UTP6: variants seen among roughly 807,000 people sequenced by gnomAD.
UTP6 encodes the protein U3 small nucleolar RNA-associated protein 6 homolog.
Under a neutral mutation model 96.5 loss-of-function variants are expected in UTP6, and 60 were observed. The observed-to-expected ratio is 0.62, with a 90% CI of 0.51 to 0.77. The LOEUF (loss-of-function observed/expected upper bound fraction) is 0.77, where lower values mean the gene tolerates loss of function less well. UTP6 is among the 30% of genes least tolerant of loss of function. The pLI, the probability that UTP6 is intolerant of heterozygous loss-of-function variation, is 0.00. For synonymous variants in UTP6, 215 were observed against 240.1 expected (o/e 0.90, Z 0.96); for missense variants, 637 against 706.5 (o/e 0.90, Z 1.12).
At position 31,873,365 on chromosome 17, in the gene UTP6, C is replaced by T. The variant is rs372247137; in HGVS notation, c.1496+13G>A. 12 of 1,613,174 alleles carry T rather than the reference C, an allele frequency of 7.4e-6. No individual in the cohort carries two copies. The highest frequency in any genetic ancestry group is 2.2e-5 in the South Asian group (2 of 91,032). ...TAGAGGGACTAGTAACAACTATGAA[C>T]GTCTGTGAGTACCTTTTAAACACAG... On this transcript the variant is annotated intron_variant, in intron 16 of 18. Transcript: ENST00000261708.
At chr17:31,883,526 G>C (rs1375125929) in intron 10 of UTP6, among the ~76,000 whole-genome samples, 1 of 151,932 alleles carries the variant, frequency 6.6e-6, no homozygotes, top group Non-Finnish European at 1.5e-5. Context: ...TGTTGGTCAG[G>C]CTGGTCTCAA....
At chr17:31,893,503 A>T (rs1904452101) in intron 4 of UTP6, among the ~76,000 whole-genome samples, 1 of 150,362 alleles carries the variant, frequency 6.7e-6, no homozygotes, top group South Asian at 2.1e-4. Flanking sequence ...AGGCTGAGGC[A>T]GGTGGATCAC....
At chr17:31,878,802 G>A in intron 11 of UTP6, 21 bp from the exon 12 acceptor site, 5 of 1,607,482 alleles carry the variant, frequency 3.1e-6, no homozygotes, top group Non-Finnish European at 4.3e-6. Context: ...CAGAAAGATT[G>A]TGTTGATCAG....
intron 8 of UTP6, 71 bp downstream of exon 8, chr17:31,887,165 C>T (rs1911198015): frequency 7.6e-7 from 1 of 1,315,158 alleles, no homozygotes; most frequent in Non-Finnish European, 1.1e-6. Flanking sequence ...CAAATATTTT[C>T]TCTTACTCCT....
chr17:31,878,343 T>C lies in UTP6; in HGVS notation c.1048-16A>G. 1 of 1,613,690 alleles carries C rather than the reference T, an allele frequency of 6.2e-7. No homozygotes were observed. Among genetic ancestry groups the C allele is most frequent in the South Asian group, 1.1e-5 (1 of 91,060 alleles). ...TTTCCAACCTCTGAAAACAGAAAAA[T>C]CCCTCAGTTCATTACAAAGATCCCA... is the stretch of plus-strand genomic sequence containing the variant. On this transcript the variant is annotated splice_polypyrimidine_tract_variant and intron_variant, in intron 12 of 18. Coordinates refer to ENST00000261708, the MANE Select transcript of UTP6 (RefSeq NM_018428.3).
intron 10 of UTP6, among the ~76,000 whole-genome samples, chr17:31,881,308 C>T (rs1457183513): frequency 2.7e-5 from 4 of 149,238 alleles, no homozygotes; most frequent in East Asian, 1.9e-4. Flanking sequence ...TCATTGCCAC[C>T]AAGGCTGGAG....
chr17:31,895,880 T>C (rs1904606161), intron 2 of UTP6, among the ~76,000 whole-genome samples: 1 of 151,552 alleles, frequency 6.6e-6, no homozygotes, highest in Admixed American at 6.6e-5. Flanking sequence ...GCTATATCCC[T>C]ATTCACCGAG....
chr17:31,887,430 C>T, intron 7 of UTP6, 117 bp from the exon 8 acceptor site: 1 of 754,322 alleles, frequency 1.3e-6, no homozygotes. Context: ...TCATTTCGGC[C>T]ATGAATTCCT....
chr17:31,884,378 C>A, intron 10 of UTP6, 46 bp downstream of exon 10: 1 of 1,457,708 alleles, frequency 6.9e-7, no homozygotes, highest in Non-Finnish European at 9.4e-7. Flanking sequence ...CCCTTAATCT[C>A]AAGATCAGAA....
Position 31,873,449 on chromosome 17 carries a change from G to C in UTP6, c.1425C>G (p.Thr475=). ...CCCAATCCAGGTACTTATTCTTCAG[G>C]GTTACTGAGTCGGCACCTATGACAG... ...LLAVIGADSV[T]LKNKYLDWAY... is the part of the protein sequence containing the mutation. Residue 475 remains threonine (T), a synonymous_variant, in exon 16 of 19, where the codon ACC becomes ACG. Transcript: ENST00000261708. The C allele has an allele frequency of 6.2e-7, 1 of 1,614,004 alleles. No individual in the cohort carries two copies. Among genetic ancestry groups the C allele is most frequent in the Non-Finnish European group, 8.5e-7 (1 of 1,180,024 alleles).
In UTP6 at chr17:31,894,695, T is replaced by C. The variant is rs202236562; in HGVS notation, c.262A>G (p.Ile88Val). Residue 88 changes from isoleucine to valine, a missense_variant, in exon 4 of 19, where the codon ATT becomes GTT. Coordinates refer to ENST00000261708, the MANE Select transcript of UTP6 (RefSeq NM_018428.3). ...SFKKDEIENS[I>V]VHRVQGVFQR... ...AAAACACCTTGTACCCGGTGTACAA[T>C]AGAATTCTCAATCTCATCCTTCTTA... is the stretch of plus-strand genomic sequence containing the variant. 29 of 1,611,820 alleles carry C rather than the reference T, an allele frequency of 1.8e-5. No homozygotes were observed. In the African/African-American group the frequency reaches 2.7e-4, roughly 15 times the overall value.
chr17:31,867,250 G>A (rs1237419975), intron 17 of UTP6, among the ~76,000 whole-genome samples: 1 of 152,194 alleles, frequency 6.6e-6, no homozygotes, highest in Non-Finnish European at 1.5e-5. Context: ...GCTCACACCT[G>A]TAATCCCAGC....
At chr17:31,868,242 A>T in intron 16 of UTP6, 130 bp from the exon 17 acceptor site, 1 of 721,288 alleles carries the variant, frequency 1.4e-6, no homozygotes, top group Non-Finnish European at 2.2e-6. Flanking sequence ...AATCAATGCA[A>T]GGACTTGACC....
chr17:31,889,414 A>G lies in UTP6; in HGVS notation c.425-11T>C. On this transcript the variant is annotated splice_polypyrimidine_tract_variant and intron_variant, in intron 6 of 18. Transcript: ENST00000261708. ...CCATAATCCACAAAGCTGTAAGTGA[A>G]AAACCATCAGATTTCATTTCAATAA... is the stretch of plus-strand genomic sequence containing the variant. The G allele has an allele frequency of 1.3e-6, 2 of 1,594,288 alleles. No individual in the cohort carries two copies. Among genetic ancestry groups the G allele is most frequent in the African/African-American group, 2.7e-5 (2 of 74,512 alleles).
In UTP6 at chr17:31,865,223, GGC is replaced by G. The variant is rs1454811657; in HGVS notation, c.1636+141_1636+142del. 9.2e-4 allele frequency: 630 copies of G among 681,174 alleles called. 8 individuals carry two copies. Among genetic ancestry groups the G allele is most frequent in the Non-Finnish European group, 1.3e-3 (516 of 402,306 alleles). 42.2% of individuals were successfully genotyped at this position (681,174 alleles called of 1,614,324 possible). A position where few individuals can be genotyped will look rare whatever the true frequency, so the allele number is the denominator to read the frequency against. On this transcript the variant is annotated intron_variant, in intron 18 of 18. Transcript: ENST00000261708. Reference sequence around the variant, plus strand: ...AGACGGGGTTTCACCATATTGGCCAGGCTGGTCTCGAACTCCTGACCTCAGGT... The same window carrying G: ...AGACGGGGTTTCACCATATTGGCCAGTGGTCTCGAACTCCTGACCTCAGGT...
chr17:31,892,096 G>A, intron 6 of UTP6, 164 bp downstream of exon 6: 2 of 650,750 alleles, frequency 3.1e-6, no homozygotes, highest in Non-Finnish European at 5.4e-6. Context: ...ATAGTAGGCA[G>A]GGGTGAACTA....
intron 8 of UTP6, 55 bp from the exon 9 acceptor site, chr17:31,886,116 C>G: frequency 6.7e-7 from 1 of 1,501,698 alleles, no homozygotes; most frequent in Non-Finnish European, 9.1e-7. Context: ...AGGAAAAGCA[C>G]TAGGACGAAA....
In UTP6 at chr17:31,863,021, A is replaced by C; in HGVS notation, c.*338T>G. On this transcript the variant is annotated 3_prime_UTR_variant, in exon 19 of 19. Coordinates refer to ENST00000261708, the MANE Select transcript of UTP6 (RefSeq NM_018428.3). The stretch of plus-strand genomic sequence containing the variant: ...TGTGGAAGATCGGGCCTCAACATTA[A>C]ATCAGCAATTCTCTTTACTGGAATC... The C allele has an allele frequency of 4.9e-6, 1 of 205,594 alleles. No homozygotes were observed. Among genetic ancestry groups the C allele is most frequent in the Non-Finnish European group, 9.9e-6 (1 of 101,500 alleles). The allele number at this position is 205,594 out of a possible 1,614,324, so 12.7% of individuals were successfully genotyped here. A position where few individuals can be genotyped will look rare whatever the true frequency, so the allele number is the denominator to read the frequency against.
rs1909546044 is a variant in UTP6, at chr17:31,861,176, T to A, written c.*2183A>T. The A allele has an allele frequency of 6.6e-6, 1 of 151,494 alleles. No individual in the cohort carries two copies. The highest frequency in any genetic ancestry group is 2.4e-5 in the African/African-American group (1 of 41,206). 9.4% of individuals were successfully genotyped at this position (151,494 alleles called of 1,614,324 possible). ...ACTGTTTGAACCTAGGAGGCAGAGGTTGCAGTAAGACCACACCACTGCACT... is the reference window on the plus strand; with the variant it reads ...ACTGTTTGAACCTAGGAGGCAGAGGATGCAGTAAGACCACACCACTGCACT... On this transcript the variant is annotated 3_prime_UTR_variant, in exon 19 of 19. Transcript: ENST00000261708.
Sources: allele counts gnomAD v4.1 joint callset (sites outside exome capture counted in the v4.1 genomes callset), GRCh38; gene constraint gnomAD v4.1.1; transcripts MANE v1.5; gene names NCBI Gene and HGNC (gene_info 2026-07-23, HGNC 2026-07-21).